ROBO4: variants seen among roughly 807,000 people sequenced by gnomAD.
ROBO4 encodes the protein roundabout homolog 4.
Under a neutral mutation model 103.3 loss-of-function variants are expected in ROBO4, and 80 were observed. That is an observed-to-expected ratio of 0.77 (90% CI 0.65 to 0.93). The LOEUF is 0.93. ROBO4 is among the 40% of genes least tolerant of loss of function. ROBO4 has a pLI of 0.00. For synonymous variants in ROBO4, 504 were observed against 529.7 expected, an observed-to-expected ratio of 0.95 and a Z score of 0.67; for missense variants, 1,333 against 1,305.3, an observed-to-expected ratio of 1.02 and a Z score of -0.33.
At chr11:124,892,648 T>C (rs1946817651) in intron 10 of ROBO4, 1 of 154,448 alleles carries the variant, frequency 6.5e-6, no homozygotes, top group South Asian at 2.0e-4. Context: ...TCCATGTGTC[T>C]TGTACCTGCT....
chr11:124,896,313 G>A lies in ROBO4; in HGVS notation c.564C>T (p.Ser188=), dbSNP rs370396097. ...LALQPGRHTV[S]GGSLLMARAE... is the part of the protein sequence containing the mutation. ...CTCTTGCCATCAGCAGGGACCCCCC[G>A]GACACCTGTCAGGGCCAGGTTCACT... is the stretch of plus-strand genomic sequence containing the variant. The change falls in exon 4 of 18, where the codon TCC becomes TCT. Residue 188 remains serine, a synonymous_variant. Transcript: ENST00000306534. 2.7e-5 allele frequency: 44 copies of A among 1,613,958 alleles called. No individual in the cohort carries two copies. The highest frequency in any genetic ancestry group is 1.7e-4 in the Middle Eastern group (1 of 6,058).
chr11:124,886,633 A>G lies in ROBO4; in HGVS notation c.2625T>C (p.Asn875=), dbSNP rs755423991. The part of the protein sequence containing the change: ...TPTPSEGSLA[N]GWGSASEDNA... ...TGTCCTCAGAGGCTGAGCCCCAACC[A>G]TTGGCTAAGGAGCCCTCGCTGGGGG... Residue 875 remains asparagine (N), a synonymous_variant, in exon 16 of 18, where the codon AAT becomes AAC. Coordinates refer to ENST00000306534, the MANE Select transcript of ROBO4 (RefSeq NM_019055.6). 8.7e-6 allele frequency: 14 copies of G among 1,613,936 alleles called. No homozygotes were observed. The highest frequency in any genetic ancestry group is 1.1e-5 in the Non-Finnish European group (13 of 1,179,962).
At chr11:124,887,677 T>C in intron 13 of ROBO4, 56 bp downstream of exon 13, 1 of 1,566,378 alleles carries the variant, frequency 6.4e-7, no homozygotes, top group South Asian at 1.1e-5. Context: ...GGTAAGCCCC[T>C]GCATCCCTAC....
Position 124,896,599 on chromosome 11 carries a change from A to G in ROBO4, c.472T>C (p.Cys158Arg). Residue 158 changes from cysteine (C) to arginine (R), a missense_variant, in exon 3 of 18, where the codon TGT (cysteine) becomes CGT (arginine). Transcript: ENST00000306534. ...TCTGGGTGGCCCCAGGGCGGCCCAC[A>G]TTCCAGAGTAAACTGCTCACCCACC... ...AVVGEQFTLECGPPWGHPEPT... is the reference protein window; with the variant it reads ...AVVGEQFTLERGPPWGHPEPT... 4 of 1,614,088 alleles carry G rather than the reference A, an allele frequency of 2.5e-6. No homozygotes were observed. Among genetic ancestry groups the G allele is most frequent in the Non-Finnish European group, 3.4e-6 (4 of 1,179,988 alleles).
At chr11:124,893,256 G>C (rs1946826749) in intron 10 of ROBO4, among the ~76,000 whole-genome samples, 1 of 152,200 alleles carries the variant, frequency 6.6e-6, no homozygotes, top group African/African-American at 2.4e-5. Context: ...TATGATGTAG[G>C]CACTGAACAC....
Position 124,892,086 on chromosome 11 carries a change from A to T in ROBO4, c.1548-284T>A, listed in dbSNP as rs1036654769. 4.8e-6 allele frequency: 3 copies of T among 630,100 alleles called. No homozygotes were observed. In the Admixed American group the frequency reaches 6.3e-5, roughly 13 times the overall value. The allele number at this position is 630,100 out of a possible 1,614,324, so 39.0% of individuals were successfully genotyped here. ...TATGCTGAGGTAAAAAGAAGACCTG[A>T]AGACAAATCTGGTTTGACAATCTCT... On this transcript the variant is annotated intron_variant, in intron 10 of 17. Transcript: ENST00000306534.
Position 124,886,528 on chromosome 11 carries a change from C to A in ROBO4, c.2730G>T (p.Leu910=). ...AACCAAAGCTATCCACAGCCACTGCCAGGGCCCGGGCAAAGTGAGCATCAG... is the reference window on the plus strand; with the variant it reads ...AACCAAAGCTATCCACAGCCACTGCAAGGGCCCGGGCAAAGTGAGCATCAG... ...FLADAHFARA[L]AVAVDSFGFG... is the part of the protein sequence containing the mutation. Residue 910 remains leucine, a synonymous_variant, in exon 16 of 18, where the codon CTG becomes CTT. Coordinates refer to ENST00000306534, the MANE Select transcript of ROBO4 (RefSeq NM_019055.6). 6.2e-7 allele frequency: 1 copy of A among 1,614,254 alleles called. No homozygotes were observed. The highest frequency in any genetic ancestry group is 8.5e-7 in the Non-Finnish European group (1 of 1,180,048).
At position 124,891,346 on chromosome 11, in the gene ROBO4, C is replaced by A. The variant is rs140544911; in HGVS notation, c.1901G>T (p.Arg634Leu). 246 of 1,534,192 alleles carry A rather than the reference C, an allele frequency of 1.6e-4. No individual in the cohort carries two copies. Among genetic ancestry groups the A allele is most frequent in the Non-Finnish European group, 1.9e-4 (221 of 1,142,370 alleles). Reference sequence around the variant, plus strand: ...AGCCTCTGCAGGGGCCAGAGACAAGCGGGGAGAAGAGAGTCCCCTGCGGCT... The same window carrying A: ...AGCCTCTGCAGGGGCCAGAGACAAGAGGGGAGAAGAGAGTCCCCTGCGGCT... ...LCSRRGLSSP[R>L]LSLAPAEAWK... is the part of the protein sequence containing the mutation. Residue 634 changes from arginine to leucine, a missense_variant, in exon 12 of 18, where the codon CGC becomes CTC. By Grantham distance (102) the Arg-to-Leu change is moderately radical. Transcript: ENST00000306534.
At chr11:124,885,587 T>G (rs1946699167) in intron 16 of ROBO4, among the ~76,000 whole-genome samples, 1 of 151,916 alleles carries the variant, frequency 6.6e-6, no homozygotes, top group African/African-American at 2.4e-5. Flanking sequence ...CCTGTTTTTT[T>G]TTTTTTTGTC....
chr11:124,896,558 C>T lies in ROBO4; in HGVS notation c.513G>A (p.Trp171Ter). The change falls in exon 3 of 18, where the codon TGG becomes TGA. Residue 171 changes from tryptophan to a stop codon, truncating the protein, a stop_gained. Transcript: ENST00000306534. LOFTEE classifies it high-confidence loss of function. ...GGGCCAGGGGTTTCCCATCTTTCCA[C>T]CATGAGACTGTGGGCTCTGGGTGGC... ...PWGHPEPTVS[W>*]WKDGKPLALQ... is the part of the protein sequence containing the mutation. The T allele has an allele frequency of 6.2e-7, 1 of 1,614,158 alleles. No homozygotes were observed. Among genetic ancestry groups the T allele is most frequent in the Non-Finnish European group, 8.5e-7 (1 of 1,180,014 alleles).
intron 12 of ROBO4, 139 bp from the exon 13 acceptor site, chr11:124,887,979 C>T: frequency 1.5e-6 from 1 of 657,522 alleles, no homozygotes; most frequent in Non-Finnish European, 2.6e-6. Context: ...CCTGAATCCC[C>T]TCCACACCCC....
chr11:124,886,625 C>T lies in ROBO4; in HGVS notation c.2633G>A (p.Gly878Asp). The change falls in exon 16 of 18, where the codon GGC becomes GAC. Residue 878 changes from glycine (G) to aspartate (D), a missense_variant. Physicochemically the swap from Gly to Asp is moderately conservative, Grantham distance 94 (BLOSUM62 -1). Transcript: ENST00000306534. ...PSEGSLANGW[G>D]SASEDNAASA... is the part of the protein sequence containing the mutation. Reference sequence around the variant, plus strand: ...GGCGGCATTGTCCTCAGAGGCTGAGCCCCAACCATTGGCTAAGGAGCCCTC... The same window carrying T: ...GGCGGCATTGTCCTCAGAGGCTGAGTCCCAACCATTGGCTAAGGAGCCCTC... 4 of 1,614,112 alleles carry T rather than the reference C, an allele frequency of 2.5e-6. No individual in the cohort carries two copies. Among genetic ancestry groups the T allele is most frequent in the Non-Finnish European group, 3.4e-6 (4 of 1,180,004 alleles).
At chr11:124,888,660 T>C (rs963690621) in intron 12 of ROBO4, among the ~76,000 whole-genome samples, 2 of 152,230 alleles carry the variant, frequency 1.3e-5, no homozygotes, top group Non-Finnish European at 2.9e-5. Context: ...GAAGCTGTCA[T>C]CTGGCCCACA....
chr11:124,896,824 C>T, intron 2 of ROBO4, 108 bp downstream of exon 2: 1 of 1,523,370 alleles, frequency 6.6e-7, no homozygotes, highest in South Asian at 1.3e-5. Flanking sequence ...CAGCCCAGGC[C>T]TCTGCTCACA....
At chr11:124,896,088 C>T in intron 4 of ROBO4, 110 bp downstream of exon 4, 1 of 1,538,542 alleles carries the variant, frequency 6.5e-7, no homozygotes, top group Non-Finnish European at 8.8e-7. Context: ...GTGAGACCCC[C>T]AGCACTTTGA....
rs1411588875 is a variant in ROBO4, at chr11:124,896,673, G to A, written c.401-3C>T. On this transcript the variant is annotated splice_region_variant and splice_polypyrimidine_tract_variant and intron_variant, in intron 2 of 17. Transcript: ENST00000306534. ...GATCTGGAAATCCTCCCGGAGGACT[G>A]TGGGGAGGATGGAAGGTGACACGGA... is the stretch of plus-strand genomic sequence containing the variant. 1.9e-5 allele frequency: 31 copies of A among 1,613,662 alleles called. No homozygotes were observed. The highest frequency in any genetic ancestry group is 2.5e-5 in the Non-Finnish European group (29 of 1,179,842).
chr11:124,886,441 T>C (rs761486352), intron 16 of ROBO4, 23 bp downstream of exon 16: 13 of 1,568,334 alleles, frequency 8.3e-6, no homozygotes, highest in Middle Eastern at 3.4e-4. Flanking sequence ...GAGTGAGGAG[T>C]AAGATGGGGA....
Position 124,895,716 on chromosome 11 carries a change from G to T in ROBO4, c.808-31C>A, listed in dbSNP as rs567215345. ...AAGGAGTTTCGAGGAAGGGCGGGGG[G>T]TCAGAGAGCTCAGGAACGCCCTTTC... On this transcript the variant is annotated intron_variant, in intron 5 of 17. Transcript: ENST00000306534. 2.5e-6 allele frequency: 4 copies of T among 1,612,030 alleles called. No individual in the cohort carries two copies. The East Asian group carries it at 8.9e-5, about 36-fold the overall frequency.
At position 124,891,726 on chromosome 11, in the gene ROBO4, T is replaced by A; in HGVS notation, c.1624A>T (p.Ser542Cys). 1 of 1,614,200 alleles carries A rather than the reference T, an allele frequency of 6.2e-7. No individual in the cohort carries two copies. Among genetic ancestry groups the A allele is most frequent in the Non-Finnish European group, 8.5e-7 (1 of 1,180,036 alleles). Residue 542 changes from serine to cysteine, a missense_variant, in exon 11 of 18, where the codon AGC (serine) becomes TGC (cysteine). Transcript: ENST00000306534. The stretch of plus-strand genomic sequence containing the variant: ...GCCCCCAGCCGACTGCTGAGGCTGC[T>A]GCTGCTGCTCAGGTCCCGAGAGCCA... ...TSGSRDLSSS[S>C]SLSSRLGADA...
Sources: allele counts gnomAD v4.1 joint callset (sites outside exome capture counted in the v4.1 genomes callset), GRCh38; gene constraint gnomAD v4.1.1; transcripts MANE v1.5; gene names NCBI Gene and HGNC (gene_info 2026-07-23, HGNC 2026-07-21).